Variants in PDE4B observed in about 807,000 individuals in gnomAD.
The protein encoded by PDE4B is 3',5'-cyclic-AMP phosphodiesterase 4B.
A neutral mutation model predicts 82.2 loss-of-function variants in PDE4B; 20 were observed. The observed-to-expected ratio is 0.24, with a 90% CI of 0.17 to 0.35. The LOEUF (loss-of-function observed/expected upper bound fraction) is 0.35, where lower values mean the gene tolerates loss of function less well. Ranked by LOEUF, PDE4B falls within the 10% of genes least tolerant of loss-of-function variation. The pLI is 1.00. For missense variants in PDE4B, 655 were observed against 907.2 expected, an observed-to-expected ratio of 0.72 and a Z score of 3.57; for synonymous variants, 320 against 318.9, an observed-to-expected ratio of 1.00 and a Z score of -0.04.
At chr1:65,896,369 C>A (rs184214388) in intron 1 of PDE4B, among the ~76,000 whole-genome samples, 7 of 152,132 alleles carry the variant, frequency 4.6e-5, no homozygotes, top group African/African-American at 1.7e-4. Context: ...TGGGAAAGAC[C>A]CACCCCCATG....
chr1:66,361,887 G>T (rs1662804713), intron 10 of PDE4B, 94 bp downstream of exon 10: 1 of 1,007,096 alleles, frequency 9.9e-7, no homozygotes, highest in South Asian at 2.0e-5. Flanking sequence ...GATTGCTTTT[G>T]CATTATTATT....
chr1:66,252,092 T>C (rs1653831429), intron 4 of PDE4B, among the ~76,000 whole-genome samples: 1 of 152,136 alleles, frequency 6.6e-6, no homozygotes, highest in African/African-American at 2.4e-5. Flanking sequence ...AGTTAGTACA[T>C]ATTTGCAAGT....
chr1:65,963,160 C>A (rs1649633691), intron 3 of PDE4B, among the ~76,000 whole-genome samples: 1 of 152,248 alleles, frequency 6.6e-6, no homozygotes, highest in Admixed American at 6.5e-5. Flanking sequence ...ACCTAAAGTA[C>A]TCTCCTTCTA....
At chr1:66,123,900 C>T (rs899518813) in intron 3 of PDE4B, among the ~76,000 whole-genome samples, 1 of 152,094 alleles carries the variant, frequency 6.6e-6, no homozygotes, top group Non-Finnish European at 1.5e-5. Flanking sequence ...CATAGGTTAT[C>T]ATATGACAAT....
At chr1:65,845,701 A>C (rs1295098274) in intron 1 of PDE4B, among the ~76,000 whole-genome samples, 1 of 152,142 alleles carries the variant, frequency 6.6e-6, no homozygotes, top group Non-Finnish European at 1.5e-5. Context: ...GTCTCTGTCC[A>C]TGTAGAGCGA....
chr1:66,151,386 T>C (rs1646391125), intron 3 of PDE4B, among the ~76,000 whole-genome samples: 1 of 152,202 alleles, frequency 6.6e-6, no homozygotes, highest in African/African-American at 2.4e-5. Flanking sequence ...TCATCTCCTG[T>C]CACTATTTCT....
At chr1:65,881,691 C>A (rs1040670283) in intron 1 of PDE4B, among the ~76,000 whole-genome samples, 1 of 152,122 alleles carries the variant, frequency 6.6e-6, no homozygotes, top group African/African-American at 2.4e-5. Flanking sequence ...TTCCTGGGAT[C>A]CTTTATGGTC....
At chr1:66,160,862 C>A (rs1426211903) in intron 3 of PDE4B, among the ~76,000 whole-genome samples, 1 of 152,140 alleles carries the variant, frequency 6.6e-6, no homozygotes, top group Admixed American at 6.6e-5. Context: ...AAAGGAGGTG[C>A]CTCTATCAGA....
At chr1:66,109,656 GT>G (rs1219484575) in intron 3 of PDE4B, among the ~76,000 whole-genome samples, 1 of 151,656 alleles carries the variant, frequency 6.6e-6, no homozygotes, top group Non-Finnish European at 1.5e-5. Flanking sequence ...TCCTTTTCAA[GT>G]TTTTTAATAT....
chr1:66,185,913 G>A (rs1471202811), intron 3 of PDE4B, among the ~76,000 whole-genome samples: 2 of 152,302 alleles, frequency 1.3e-5, no homozygotes, highest in East Asian at 1.9e-4. Flanking sequence ...CCTTGCCCAT[G>A]CCTATGTCTT....
intron 3 of PDE4B, among the ~76,000 whole-genome samples, chr1:66,072,055 C>T (rs1656181898): frequency 6.6e-6 from 1 of 152,008 alleles, no homozygotes; most frequent in South Asian, 2.1e-4. Flanking sequence ...TAGCCTACAC[C>T]TTCATCTCTC....
In PDE4B at chr1:66,161,200, T is replaced by A. The variant is rs540094743; in HGVS notation, c.282-86260T>A. On this transcript the variant is annotated intron_variant, in intron 3 of 16. Coordinates refer to ENST00000341517, the MANE Select transcript of PDE4B (RefSeq NM_002600.4). ...GAACATCAGCAGCGATATAGATGAT[T>A]ATGCTGAAGGTAAAATTAGTACAGT... is the stretch of plus-strand genomic sequence containing the variant. Among the ~76,000 whole-genome samples, 6 of 152,262 alleles carry A rather than the reference T, an allele frequency of 3.9e-5. No homozygotes were observed. In the South Asian group the frequency reaches 1.0e-3, roughly 26 times the overall value.
At chr1:65,996,705 T>C (rs1486290767) in intron 3 of PDE4B, among the ~76,000 whole-genome samples, 1 of 152,184 alleles carries the variant, frequency 6.6e-6, no homozygotes. Context: ...TTCATCATTA[T>C]TTTGACTCTG....
At chr1:66,175,434 G>A (rs1646914363) in intron 3 of PDE4B, among the ~76,000 whole-genome samples, 1 of 152,176 alleles carries the variant, frequency 6.6e-6, no homozygotes, top group South Asian at 2.1e-4. Flanking sequence ...AATTGTGCCT[G>A]AGACCAGGTC....
chr1:66,372,853 A>T lies in PDE4B; in HGVS notation c.*175A>T. On this transcript the variant is annotated 3_prime_UTR_variant, in exon 17 of 17. Coordinates refer to ENST00000341517, the MANE Select transcript of PDE4B (RefSeq NM_002600.4). ...CAGGAAGCAAATAGCAGCTCAGGAA[A>T]TCCCACGGTTGACTTGCCTTGATGG... 2 of 611,510 alleles carry T rather than the reference A, an allele frequency of 3.3e-6. No individual in the cohort carries two copies. Among genetic ancestry groups the T allele is most frequent in the East Asian group, 2.8e-5 (1 of 35,882 alleles). 37.9% of individuals were successfully genotyped at this position (611,510 alleles called of 1,614,324 possible).
chr1:66,148,414 T>A (rs759567374), intron 3 of PDE4B, among the ~76,000 whole-genome samples: 3 of 152,188 alleles, frequency 2.0e-5, no homozygotes, highest in Non-Finnish European at 4.4e-5. Context: ...GCTGAAAGCT[T>A]TCTATGCCGA....
chr1:66,139,782 A>G (rs1646135899), intron 3 of PDE4B, among the ~76,000 whole-genome samples: 1 of 151,782 alleles, frequency 6.6e-6, no homozygotes, highest in African/African-American at 2.4e-5. Flanking sequence ...GGCCAAACAT[A>G]CAAAAACCAC....
intron 7 of PDE4B, among the ~76,000 whole-genome samples, chr1:66,280,039 C>T (rs1473732989): frequency 6.6e-6 from 1 of 152,192 alleles, no homozygotes; most frequent in African/African-American, 2.4e-5. Context: ...ACCAACAACC[C>T]CAAACACCTG....
intron 7 of PDE4B, among the ~76,000 whole-genome samples, chr1:66,319,016 GA>G (rs1270029948): frequency 3.9e-5 from 6 of 152,218 alleles, no homozygotes; most frequent in African/African-American, 1.4e-4. Flanking sequence ...GTTTGCAGAA[GA>G]AAATCAGTAA....
Sources: gnomAD v4.1 joint callset for allele counts (sites outside exome capture counted in the v4.1 genomes callset) on GRCh38, gnomAD v4.1.1 for gene constraint, MANE v1.5 for transcripts, NCBI Gene and HGNC (gene_info 2026-07-23, HGNC 2026-07-21) for gene names.